The following TBC1D8 variants were observed in gnomAD, a reference collection of about 807,000 sequenced individuals.
The protein encoded by TBC1D8 is BUB2-like protein 1.
TBC1D8 carries 65 observed loss-of-function variants against 118.8 expected under a neutral mutation model. The ratio of observed to expected loss-of-function variants is 0.55; its 90% confidence interval spans 0.45 to 0.67. The LOEUF is 0.67. Among genes scored for constraint, TBC1D8 ranks in the 30% least tolerant of loss-of-function variants. The pLI, the probability that TBC1D8 is intolerant of heterozygous loss-of-function variation, is 0.00. For missense variants in TBC1D8, 1,376 were observed against 1,471.2 expected (o/e 0.94, Z 1.06); for synonymous variants, 566 against 595.8 (o/e 0.95, Z 0.73).
chr2:101,083,760 C>G (rs538898734), intron 2 of TBC1D8, among the ~76,000 whole-genome samples: 1 of 152,180 alleles, frequency 6.6e-6, no homozygotes. Flanking sequence ...CTGGGGCTGC[C>G]CAGGCCCTTC....
chr2:101,020,943 G>A (rs1022918597), intron 17 of TBC1D8, among the ~76,000 whole-genome samples: 1 of 152,002 alleles, frequency 6.6e-6, no homozygotes, highest in African/African-American at 2.4e-5. Flanking sequence ...ACAGTTTCAG[G>A]CATCCACGGG....
intron 1 of TBC1D8, among the ~76,000 whole-genome samples, chr2:101,118,889 T>C (rs1431888741): frequency 1.3e-5 from 2 of 151,940 alleles, no homozygotes; most frequent in African/African-American, 4.8e-5. Flanking sequence ...ACACAGCCTA[T>C]GGTCCCAGCT....
At chr2:101,021,148 C>T (rs1680007410) in intron 17 of TBC1D8, among the ~76,000 whole-genome samples, 1 of 152,118 alleles carries the variant, frequency 6.6e-6, no homozygotes, top group African/African-American at 2.4e-5. Context: ...ATTTCTGATT[C>T]ATCTCTATTA....
intron 15 of TBC1D8, chr2:101,023,614 T>C (rs1003834734): frequency 2.3e-6 from 1 of 440,220 alleles, no homozygotes; most frequent in Non-Finnish European, 4.6e-6. Flanking sequence ...ACATTAACAA[T>C]TTTTTTTAAG....
At chr2:101,076,738 T>C (rs1215594867) in intron 2 of TBC1D8, among the ~76,000 whole-genome samples, 1 of 152,260 alleles carries the variant, frequency 6.6e-6, no homozygotes, top group Non-Finnish European at 1.5e-5. Flanking sequence ...AGATCTGCTC[T>C]AACCAATCCT....
At chr2:101,038,388 A>G in intron 7 of TBC1D8, 73 bp downstream of exon 7, 3 of 1,517,754 alleles carry the variant, frequency 2.0e-6, no homozygotes, top group Middle Eastern at 1.7e-4. Context: ...GGCTCTCCCC[A>G]TGTGTACTCC....
intron 17 of TBC1D8, among the ~76,000 whole-genome samples, chr2:101,014,807 G>T (rs1679491783): frequency 6.6e-6 from 1 of 152,146 alleles, no homozygotes; most frequent in Non-Finnish European, 1.5e-5. Flanking sequence ...AAAAAGTGAA[G>T]AATCAAGATA....
intron 1 of TBC1D8, among the ~76,000 whole-genome samples, chr2:101,139,217 G>T (rs1019733488): frequency 1.3e-4 from 20 of 151,610 alleles, no homozygotes; most frequent in African/African-American, 4.1e-4. Context: ...TCCCCAGCCT[G>T]TCTCAAGACC....
At chr2:101,115,096 A>T (rs761343691) in intron 1 of TBC1D8, among the ~76,000 whole-genome samples, 3 of 152,202 alleles carry the variant, frequency 2.0e-5, no homozygotes, top group Non-Finnish European at 4.4e-5. Flanking sequence ...AGATAGAGAC[A>T]AGGAAGAAAG....
At chr2:101,066,520 A>C (rs1462870805) in intron 2 of TBC1D8, among the ~76,000 whole-genome samples, 2 of 152,202 alleles carry the variant, frequency 1.3e-5, no homozygotes, top group Non-Finnish European at 2.9e-5. Flanking sequence ...CACAGCAAAA[A>C]TAACTAATTA....
At chr2:101,096,419 CAAAAAAAA>C (rs55824667) in intron 1 of TBC1D8, among the ~76,000 whole-genome samples, 28 of 43,746 alleles carry the variant, frequency 6.4e-4, no homozygotes, top group South Asian at 5.5e-3. Context: ...TGGCTTTTGA[CAAAAAAAA>C]AAAAAAAAAA....
chr2:101,151,043 G>T, intron 1 of TBC1D8, 84 bp downstream of exon 1: 1 of 934,342 alleles, frequency 1.1e-6, no homozygotes, highest in Non-Finnish European at 1.3e-6. Flanking sequence ...CTCTGGCGAC[G>T]CAGCCCGGGA....
chr2:101,109,240 A>C (rs185243311), intron 1 of TBC1D8, among the ~76,000 whole-genome samples: 16 of 152,280 alleles, frequency 1.1e-4, no homozygotes, highest in Admixed American at 1.0e-3. Context: ...GAGGAGATGC[A>C]AAGCTGGCAG....
In TBC1D8 at chr2:101,028,401, G is replaced by A. The variant is rs1680476441; in HGVS notation, c.2254C>T (p.Pro752Ser). The stretch of plus-strand genomic sequence containing the variant: ...TGGTGGCTGCCAACTGGGGGCCCTG[G>A]GCTGTCCTCATTCTTAATGTGATCT... ...FLDHIKNEDS[P>S]GPPVGSHHAF... Residue 752 changes from proline (P) to serine (S), a missense_variant, in exon 13 of 20, where the codon CCA becomes TCA. Coordinates refer to ENST00000409318, the MANE Select transcript of TBC1D8 (RefSeq NM_001330348.2). 6.2e-7 allele frequency: 1 copy of A among 1,602,174 alleles called. No homozygotes were observed. The highest frequency in any genetic ancestry group is 1.7e-5 in the Admixed American group (1 of 58,540).
chr2:101,097,188 G>GA lies in TBC1D8; in HGVS notation c.128-6825dup, dbSNP rs200465218. Among the ~76,000 whole-genome samples, 664 of 149,414 alleles carry GA rather than the reference G, an allele frequency of 4.4e-3. 3 individuals carry two copies. The highest frequency in any genetic ancestry group is 0.015 in the African/African-American group (625 of 40,794). ...GGTAAAATATTTCAAATGTTTAAAG[G>GA]AAAAAAAAACCTAGAATTCTATATC... On this transcript the variant is annotated intron_variant, in intron 1 of 19. Transcript: ENST00000409318.
Position 101,037,672 on chromosome 2 carries a change from C to G in TBC1D8, c.1312G>C (p.Asp438His), listed in dbSNP as rs1197304791. 1 of 1,613,680 alleles carries G rather than the reference C, an allele frequency of 6.2e-7. No individual in the cohort carries two copies. The highest frequency in any genetic ancestry group is 2.2e-5 in the East Asian group (1 of 44,904). Residue 438 changes from aspartate to histidine, a missense_variant, in exon 8 of 20, where the codon GAC becomes CAC. Physicochemically the swap from Asp to His is moderately conservative, Grantham distance 81. Coordinates refer to ENST00000409318, the MANE Select transcript of TBC1D8 (RefSeq NM_001330348.2). ...ATTTCAAGATCCCCAAATCTGTGGT[C>G]ACTGCACATGCTTGTTGAATGAAAC... ...LVFHSTSMCS[D>H]HRFGDLEMMS...
chr2:101,092,989 A>G (rs1375277999), intron 1 of TBC1D8, among the ~76,000 whole-genome samples: 1 of 152,170 alleles, frequency 6.6e-6, no homozygotes, highest in African/African-American at 2.4e-5. Flanking sequence ...CTGCACCCTG[A>G]GACAGCAAGG....
At chr2:101,048,164 TCA>T (rs921248269) in intron 5 of TBC1D8, among the ~76,000 whole-genome samples, 13 of 152,214 alleles carry the variant, frequency 8.5e-5, no homozygotes, top group African/African-American at 3.1e-4. Flanking sequence ...CTCTAGCAAC[TCA>T]CACAAGCCAG....
At position 101,095,393 on chromosome 2, in the gene TBC1D8, TC is replaced by T. The variant is rs34728768; in HGVS notation, c.128-5030del. Among the ~76,000 whole-genome samples, 759 of 128,004 alleles carry T rather than the reference TC, an allele frequency of 5.9e-3. 2 individuals carry two copies. Among genetic ancestry groups the T allele is most frequent in the Middle Eastern group, 0.012 (3 of 252 alleles). The allele number at this position is 128,004 out of a possible 152,430, so 84.0% of individuals were successfully genotyped here. On this transcript the variant is annotated intron_variant, in intron 1 of 19. Transcript: ENST00000409318. The stretch of plus-strand genomic sequence containing the variant: ...ATTAGGTATATCTCCTAATGCTATC[TC>T]CCCCCCCCTCCCCCCACCCCACAAC...
Sources: gnomAD v4.1 joint callset for allele counts (sites outside exome capture counted in the v4.1 genomes callset) on GRCh38, gnomAD v4.1.1 for gene constraint, MANE v1.5 for transcripts, NCBI Gene and HGNC (gene_info 2026-07-23, HGNC 2026-07-21) for gene names.